Variants in CTPS2 observed in about 807,000 individuals in gnomAD.
The protein encoded by CTPS2 is CTP synthase II.
A neutral mutation model predicts 46.8 loss-of-function variants in CTPS2; 19 were observed. That is an observed-to-expected ratio of 0.41 (90% CI 0.28 to 0.60). CTPS2 has a LOEUF of 0.60. Ranked by LOEUF, CTPS2 falls within the 20% of genes least tolerant of loss-of-function variation. The probability of loss-of-function intolerance (pLI) is 0.35; values close to 1 mark genes in which losing one functional copy is unlikely to be tolerated. For missense variants in CTPS2, 286 were observed against 447.6 expected (o/e 0.64, Z 3.26); for synonymous variants, 151 against 165.2 (o/e 0.91, Z 0.66).
chrX:16,655,415 G>A (rs61664079), intron 13 of CTPS2, among the ~76,000 whole-genome samples: 5,290 of 111,485 alleles, frequency 0.047, 330 homozygotes, highest in African/African-American at 0.17. Context: ...CACTTTTTGC[G>A]TCCAGCTAGG....
At chrX:16,626,282 T>C (rs1376331664) in intron 14 of CTPS2, among the ~76,000 whole-genome samples, 1 of 111,093 alleles carries the variant, frequency 9.0e-6, no homozygotes, top group African/African-American at 3.3e-5. Flanking sequence ...CTCAGGAGGC[T>C]GAGGCAGGAG....
chrX:16,630,151 G>A (rs1931382375), intron 14 of CTPS2, among the ~76,000 whole-genome samples: 1 of 110,475 alleles, frequency 9.1e-6, no homozygotes, highest in Non-Finnish European at 1.9e-5. Flanking sequence ...TGAGGATGAG[G>A]GCCAGCTTCA....
chrX:16,682,506 G>A (rs1922828699), intron 9 of CTPS2, among the ~76,000 whole-genome samples: 2 of 111,599 alleles, frequency 1.8e-5, no homozygotes, highest in Admixed American at 1.9e-4. Context: ...AAAGAAAACC[G>A]TTTACACAGC....
intron 7 of CTPS2, among the ~76,000 whole-genome samples, chrX:16,689,953 G>T (rs1376039510): frequency 1.8e-5 from 2 of 110,262 alleles, no homozygotes; most frequent in Non-Finnish European, 3.8e-5. Flanking sequence ...TCAAGAGGCT[G>T]ACGCAGGAGA....
chrX:16,670,997 T>A (rs1921700907), intron 10 of CTPS2, among the ~76,000 whole-genome samples: 2 of 112,040 alleles, frequency 1.8e-5, no homozygotes, highest in Admixed American at 1.9e-4. Flanking sequence ...TAGGTTAAGG[T>A]TCTTTCAAAA....
intron 17 of CTPS2, among the ~76,000 whole-genome samples, chrX:16,603,273 C>T (rs1194501713): frequency 1.8e-5 from 2 of 109,688 alleles, no homozygotes; most frequent in African/African-American, 3.3e-5. Flanking sequence ...AAAAATTAGC[C>T]GGGCATGGTG....
rs746634342 is a variant in CTPS2 at position 16,647,255 on chromosome X, C to CTTTT, written c.1297-8016_1297-8013dup. On this transcript the variant is annotated intron_variant, in intron 13 of 18. Transcript: ENST00000359276. ...GACAATAGGCAGCATTGGGCCCATT[C>CTTTT]TTTTTTTTTTTTTTTTTTTTTTTTT... 9.3e-4 allele frequency among the ~76,000 whole-genome samples: 37 copies of CTTTT among 39,753 alleles called. 1 individual carries two copies. Among genetic ancestry groups the CTTTT allele is most frequent in the African/African-American group, 1.2e-3 (12 of 9,883 alleles). 34.5% of individuals were successfully genotyped at this position (39,753 alleles called of 115,157 possible). A position where few individuals can be genotyped will look rare whatever the true frequency, so the allele number is the denominator to read the frequency against.
At chrX:16,697,892 A>C (rs1197727961) in intron 4 of CTPS2, among the ~76,000 whole-genome samples, 2 of 111,814 alleles carry the variant, frequency 1.8e-5, no homozygotes, top group African/African-American at 6.5e-5. Flanking sequence ...GTGTGTAGAC[A>C]GGGTTGTCTG....
intron 4 of CTPS2, among the ~76,000 whole-genome samples, chrX:16,694,398 C>T (rs995095621): frequency 9.0e-6 from 1 of 111,011 alleles, no homozygotes; most frequent in Non-Finnish European, 1.9e-5. Flanking sequence ...CCTTGGAGGG[C>T]GGACTCTGAC....
At chrX:16,666,269 A>T (rs1423734445) in intron 13 of CTPS2, among the ~76,000 whole-genome samples, 1 of 112,045 alleles carries the variant, frequency 8.9e-6, no homozygotes, top group Non-Finnish European at 1.9e-5. Context: ...TGAGCACAGT[A>T]GCATGAGGCA....
chrX:16,660,390 A>C (rs896605984), intron 13 of CTPS2, among the ~76,000 whole-genome samples: 1 of 100,769 alleles, frequency 9.9e-6, no homozygotes, highest in Non-Finnish European at 2.0e-5. Context: ...CTAACTTTTT[A>C]ATTTATTTTT....
chrX:16,683,346 C>A, intron 8 of CTPS2, 120 bp from the exon 9 acceptor site: 1 of 706,975 alleles, frequency 1.4e-6, no homozygotes. Context: ...AGCTGTAGTC[C>A]TAGCTACTCA....
chrX:16,648,712 G>A (rs981660335), intron 13 of CTPS2, among the ~76,000 whole-genome samples: 6 of 112,207 alleles, frequency 5.3e-5, no homozygotes, highest in African/African-American at 1.9e-4. Context: ...GCATAGCAAA[G>A]TCAAAGAATC....
chrX:16,648,851 C>A (rs1932457728), intron 13 of CTPS2, among the ~76,000 whole-genome samples: 1 of 111,916 alleles, frequency 8.9e-6, no homozygotes, highest in Admixed American at 9.5e-5. Context: ...TAAATAAGGC[C>A]CTAGAATTTT....
At chrX:16,620,657 G>A (rs1930775051) in intron 14 of CTPS2, among the ~76,000 whole-genome samples, 1 of 112,163 alleles carries the variant, frequency 8.9e-6, no homozygotes, top group Non-Finnish European at 1.9e-5. Flanking sequence ...GGCCATGTCT[G>A]CACTATCGCT....
rs774926885 is a variant in CTPS2 at position 16,673,096 on chromosome X, C to T, written c.1095-2422G>A. 5.6e-5 allele frequency among the ~76,000 whole-genome samples: 6 copies of T among 107,432 alleles called. No homozygotes were observed. The East Asian group carries it at 8.8e-4, about 16-fold the overall frequency. The allele number at this position is 107,432 out of a possible 115,157, so 93.3% of individuals were successfully genotyped here. A position where few individuals can be genotyped will look rare whatever the true frequency, so the allele number is the denominator to read the frequency against. ...AGAGACGGGGTTTCACCGTTTTAGCCGGGATGGTCTCGATCTCCTGACCTC... is the reference window on the plus strand; with the variant it reads ...AGAGACGGGGTTTCACCGTTTTAGCTGGGATGGTCTCGATCTCCTGACCTC... On this transcript the variant is annotated intron_variant, in intron 10 of 18. Coordinates refer to ENST00000359276, the MANE Select transcript of CTPS2 (RefSeq NM_175859.3).
intron 17 of CTPS2, among the ~76,000 whole-genome samples, chrX:16,596,667 T>G (rs1374425361): frequency 9.2e-6 from 1 of 109,148 alleles, no homozygotes; most frequent in African/African-American, 3.4e-5. Flanking sequence ...TGTGCATGTG[T>G]CTTTATAGCA....
intron 14 of CTPS2, among the ~76,000 whole-genome samples, chrX:16,630,496 C>T (rs1039831178): frequency 1.8e-4 from 20 of 110,290 alleles, no homozygotes; most frequent in African/African-American, 5.6e-4. Context: ...TCAGGTGATC[C>T]GCCCACCTCG....
At chrX:16,662,794 G>A (rs1415328518) in intron 13 of CTPS2, among the ~76,000 whole-genome samples, 2 of 108,103 alleles carry the variant, frequency 1.9e-5, no homozygotes, top group Non-Finnish European at 3.8e-5. Context: ...CCATAAAGAC[G>A]TTCAATAGCA....
Sources: gnomAD v4.1 joint callset for allele counts (sites outside exome capture counted in the v4.1 genomes callset) on GRCh38, gnomAD v4.1.1 for gene constraint, MANE v1.5 for transcripts, NCBI Gene and HGNC (gene_info 2026-07-23, HGNC 2026-07-21) for gene names.